Variants in TPD52 observed in about 807,000 individuals in gnomAD.
TPD52 encodes tumor protein D52.
TPD52 carries 17 observed loss-of-function variants against 31.3 expected under a neutral mutation model. The observed-to-expected ratio is 0.54, with a 90% CI of 0.37 to 0.82. The LOEUF is 0.82. TPD52 is among the 40% of genes least tolerant of loss of function. The pLI, the probability that TPD52 is intolerant of heterozygous loss-of-function variation, is 0.00. For missense variants in TPD52, 212 were observed against 240.1 expected, an observed-to-expected ratio of 0.88 and a Z score of 0.77; for synonymous variants, 83 against 89.6, an observed-to-expected ratio of 0.93 and a Z score of 0.42.
At chr8:80,128,963 A>G (rs1319434407) in intron 1 of TPD52, among the ~76,000 whole-genome samples, 1 of 152,044 alleles carries the variant, frequency 6.6e-6, no homozygotes, top group African/African-American at 2.4e-5. Flanking sequence ...ACTATTTACA[A>G]AAATATAAAT....
intron 2 of TPD52, among the ~76,000 whole-genome samples, chr8:80,054,571 GC>G (rs1811680407): frequency 6.6e-6 from 1 of 152,076 alleles, no homozygotes; most frequent in Non-Finnish European, 1.5e-5. Context: ...CATATTTTCA[GC>G]CCCAACCTGC....
chr8:80,140,496 T>A (rs1310094243), intron 1 of TPD52, among the ~76,000 whole-genome samples: 1 of 152,150 alleles, frequency 6.6e-6, no homozygotes, highest in East Asian at 1.9e-4. Flanking sequence ...TGCTTATTAG[T>A]CTCCAAGCCA....
intron 1 of TPD52, among the ~76,000 whole-genome samples, chr8:80,140,588 G>A (rs1050713319): frequency 6.6e-6 from 1 of 152,100 alleles, no homozygotes; most frequent in Admixed American, 6.6e-5. Flanking sequence ...TTGTAGCTAC[G>A]AAAAACACCC....
At chr8:80,075,665 G>A (rs1342481887) in intron 1 of TPD52, among the ~76,000 whole-genome samples, 1 of 151,936 alleles carries the variant, frequency 6.6e-6, no homozygotes, top group Non-Finnish European at 1.5e-5. Flanking sequence ...CCCCAAAATT[G>A]AGTATAAAAC....
At chr8:80,127,902 T>C (rs1258421864) in intron 1 of TPD52, among the ~76,000 whole-genome samples, 2 of 151,058 alleles carry the variant, frequency 1.3e-5, no homozygotes, top group African/African-American at 4.9e-5. Flanking sequence ...CTCTCAAAAA[T>C]AGGACTCAAA....
intron 1 of TPD52, among the ~76,000 whole-genome samples, chr8:80,075,247 G>C (rs1483834440): frequency 6.6e-6 from 1 of 152,160 alleles, no homozygotes; most frequent in African/African-American, 2.4e-5. Flanking sequence ...AAAGTGCTGG[G>C]ATTACAGGCG....
chr8:80,132,582 T>C (rs1206087279), intron 1 of TPD52, among the ~76,000 whole-genome samples: 1 of 152,144 alleles, frequency 6.6e-6, no homozygotes, highest in Admixed American at 6.5e-5. Context: ...ATAGTAAATG[T>C]TTCAGAACTG....
At chr8:80,086,440 G>A (rs1173332432) in intron 1 of TPD52, among the ~76,000 whole-genome samples, 2 of 151,902 alleles carry the variant, frequency 1.3e-5, no homozygotes, top group Non-Finnish European at 2.9e-5. Context: ...TTTTAAAAGA[G>A]GAGGGGCTGC....
chr8:80,148,705 A>T (rs1426150), intron 1 of TPD52, among the ~76,000 whole-genome samples: 1 of 152,210 alleles, frequency 6.6e-6, no homozygotes, highest in Non-Finnish European at 1.5e-5. Context: ...TTTGGGGAAC[A>T]TCAGTTACTC....
At chr8:80,072,913 G>A (rs936834038) in intron 1 of TPD52, among the ~76,000 whole-genome samples, 1 of 151,788 alleles carries the variant, frequency 6.6e-6, no homozygotes, top group Non-Finnish European at 1.5e-5. Flanking sequence ...GACCAGCCTG[G>A]CCAACCTGGT....
At chr8:80,073,110 T>C (rs199835313) in intron 1 of TPD52, among the ~76,000 whole-genome samples, 1 of 151,522 alleles carries the variant, frequency 6.6e-6, no homozygotes, top group Non-Finnish European at 1.5e-5. Context: ...AAGAAAGAAA[T>C]ACAGAAAGAA....
At chr8:80,058,392 G>T (rs1450790689) in intron 2 of TPD52, among the ~76,000 whole-genome samples, 3 of 152,180 alleles carry the variant, frequency 2.0e-5, no homozygotes, top group African/African-American at 4.8e-5. Context: ...ATTCAAAATG[G>T]ACTACGCAGC....
At chr8:80,119,248 T>C (rs1156872562) in intron 1 of TPD52, among the ~76,000 whole-genome samples, 1 of 152,120 alleles carries the variant, frequency 6.6e-6, no homozygotes. Context: ...AGTAATTGCC[T>C]AGGGCTGGGA....
At chr8:80,154,004 G>A (rs1191337578) in intron 1 of TPD52, among the ~76,000 whole-genome samples, 1 of 152,076 alleles carries the variant, frequency 6.6e-6, no homozygotes, top group Non-Finnish European at 1.5e-5. Context: ...CTCCCTATGC[G>A]CCCTTTCACT....
At chr8:80,040,777 A>C (rs936355641) in intron 7 of TPD52, among the ~76,000 whole-genome samples, 1 of 152,232 alleles carries the variant, frequency 6.6e-6, no homozygotes, top group Non-Finnish European at 1.5e-5. Context: ...CTGCAACTAC[A>C]GTTTGCTTTC....
At chr8:80,160,595 CCT>C (rs1233459035) in intron 1 of TPD52, among the ~76,000 whole-genome samples, 14 of 152,156 alleles carry the variant, frequency 9.2e-5, no homozygotes, top group African/African-American at 2.9e-4. Flanking sequence ...TGCATTTTTC[CCT>C]CTTTACAGAA....
intron 1 of TPD52, among the ~76,000 whole-genome samples, chr8:80,144,797 C>T (rs1041285176): frequency 5.9e-5 from 9 of 152,108 alleles, no homozygotes; most frequent in African/African-American, 2.2e-4. Context: ...ACATGGTATT[C>T]GGTGTGCATT....
intron 2 of TPD52, among the ~76,000 whole-genome samples, chr8:80,055,370 A>G (rs755630684): frequency 6.6e-6 from 1 of 152,230 alleles, no homozygotes; most frequent in Non-Finnish European, 1.5e-5. Context: ...TTAAAAGCAT[A>G]AAGAGCATGA....
chr8:80,170,240 C>A (rs981300788), intron 1 of TPD52, among the ~76,000 whole-genome samples: 7 of 151,782 alleles, frequency 4.6e-5, no homozygotes, highest in Non-Finnish European at 8.8e-5. Flanking sequence ...CATGGAGAAA[C>A]CTCTGTCTCT....
Sources: allele counts gnomAD v4.1 joint callset (sites outside exome capture counted in the v4.1 genomes callset), GRCh38; gene constraint gnomAD v4.1.1; transcripts MANE v1.5; gene names NCBI Gene and HGNC (gene_info 2026-07-23, HGNC 2026-07-21).